The following ST6GALNAC3 variants were observed in gnomAD, a reference collection of about 807,000 sequenced individuals.
The protein encoded by ST6GALNAC3 is ST6 N-acetylgalactosaminide alpha-2,6-sialyltransferase 3.
Under a neutral mutation model 32.7 loss-of-function variants are expected in ST6GALNAC3, and 25 were observed. The observed-to-expected ratio is 0.76, with a 90% CI of 0.56 to 1.07. The LOEUF is 1.07. Among genes scored for constraint, ST6GALNAC3 ranks in the 50% least tolerant of loss-of-function variants. The pLI, the probability that ST6GALNAC3 is intolerant of heterozygous loss-of-function variation, is 0.00. For missense variants in ST6GALNAC3, 355 were observed against 382.4 expected (o/e 0.93, Z 0.60); for synonymous variants, 129 against 133.1 (o/e 0.97, Z 0.21).
chr1:76,493,244 A>G (rs983688654), intron 3 of ST6GALNAC3, among the ~76,000 whole-genome samples: 3 of 152,302 alleles, frequency 2.0e-5, no homozygotes, highest in Admixed American at 1.3e-4. Context: ...AGATGCTGCC[A>G]TATAGAGTTG....
chr1:76,585,964 A>T (rs1646956644), intron 3 of ST6GALNAC3, among the ~76,000 whole-genome samples: 1 of 152,220 alleles, frequency 6.6e-6, no homozygotes, highest in Admixed American at 6.5e-5. Flanking sequence ...TTAGTTTCTA[A>T]TTAGATTTCA....
chr1:76,123,749 A>ATTTTTTTTTTTTT (rs767734132), intron 1 of ST6GALNAC3, among the ~76,000 whole-genome samples: 1 of 94,290 alleles, frequency 1.1e-5, no homozygotes, highest in Non-Finnish European at 1.9e-5. Context: ...ACTCATTTTA[A>ATTTTTTTTTTTTT]TTTTTTTTTT....
chr1:76,420,141 C>G (rs1469091270), intron 3 of ST6GALNAC3, among the ~76,000 whole-genome samples: 1 of 151,984 alleles, frequency 6.6e-6, no homozygotes, highest in East Asian at 1.9e-4. Context: ...TACATCAAGC[C>G]ACCTGCTGAC....
chr1:76,155,339 T>C (rs375574641), intron 1 of ST6GALNAC3, among the ~76,000 whole-genome samples: 74 of 152,326 alleles, frequency 4.9e-4, no homozygotes, highest in South Asian at 2.7e-3. Context: ...AGCCAAATTA[T>C]TATAGAGAAT....
intron 1 of ST6GALNAC3, among the ~76,000 whole-genome samples, chr1:76,134,215 A>G (rs1649793389): frequency 6.6e-6 from 1 of 152,228 alleles, no homozygotes; most frequent in Non-Finnish European, 1.5e-5. Flanking sequence ...CTTCCTCAGC[A>G]TTATACACTG....
chr1:76,356,988 C>T (rs1649511768), intron 2 of ST6GALNAC3, among the ~76,000 whole-genome samples: 1 of 151,978 alleles, frequency 6.6e-6, no homozygotes, highest in African/African-American at 2.4e-5. Flanking sequence ...ATTCCAGGGG[C>T]CACAGTAAGA....
intron 3 of ST6GALNAC3, among the ~76,000 whole-genome samples, chr1:76,430,564 A>G (rs888414543): frequency 1.1e-4 from 17 of 152,160 alleles, no homozygotes; most frequent in African/African-American, 4.1e-4. Context: ...GGCATAGCTC[A>G]AGAGTTGACT....
intron 1 of ST6GALNAC3, among the ~76,000 whole-genome samples, chr1:76,111,967 C>A (rs922731750): frequency 1.3e-5 from 2 of 152,102 alleles, no homozygotes; most frequent in Admixed American, 6.5e-5. Flanking sequence ...ACCTCCCAGA[C>A]GGGGTGGTGG....
At position 76,599,717 on chromosome 1, in the gene ST6GALNAC3, CGTGTGTGTGT is replaced by C. The variant is rs5775354; in HGVS notation, c.624-27698_624-27689del. ...TATTTTATTCCTCCCACTACCGTAT[CGTGTGTGTGT>C]GTGTGTGTGTGTGTGTGTGTGTGTG... On this transcript the variant is annotated intron_variant, in intron 3 of 4. Coordinates refer to ENST00000328299, the MANE Select transcript of ST6GALNAC3 (RefSeq NM_152996.4). Among the ~76,000 whole-genome samples the C allele has an allele frequency of 6.0e-3, 858 of 142,034 alleles. 3 individuals carry two copies. The highest frequency in any genetic ancestry group is 0.015 in the East Asian group (72 of 4,786). The allele number at this position is 142,034 out of a possible 152,430, so 93.2% of individuals were successfully genotyped here.
At chr1:76,407,599 A>G (rs1009093475) in intron 2 of ST6GALNAC3, among the ~76,000 whole-genome samples, 2 of 152,094 alleles carry the variant, frequency 1.3e-5, no homozygotes, top group South Asian at 4.1e-4. Flanking sequence ...AGCCCAGTGA[A>G]AATATTTTGA....
chr1:76,363,729 C>A (rs1581799), intron 2 of ST6GALNAC3, among the ~76,000 whole-genome samples: 5 of 152,058 alleles, frequency 3.3e-5, no homozygotes, highest in Admixed American at 1.3e-4. Flanking sequence ...CTGGCATCTC[C>A]TCTGCTTCTG....
chr1:76,134,455 G>T (rs145182672), intron 1 of ST6GALNAC3, among the ~76,000 whole-genome samples: 1 of 152,354 alleles, frequency 6.6e-6, no homozygotes, highest in East Asian at 1.9e-4. Context: ...TTATCCTCCA[G>T]CTCTAACATT....
At chr1:76,086,390 G>A (rs967670130) in intron 1 of ST6GALNAC3, among the ~76,000 whole-genome samples, 2 of 152,134 alleles carry the variant, frequency 1.3e-5, no homozygotes, top group African/African-American at 4.8e-5. Flanking sequence ...TCATAGCCTT[G>A]TTTTAGACTT....
chr1:76,583,303 A>G (rs558864590), intron 3 of ST6GALNAC3, among the ~76,000 whole-genome samples: 109 of 152,312 alleles, frequency 7.2e-4, no homozygotes, highest in African/African-American at 2.6e-3. Context: ...ATGGCCGACA[A>G]AATGTATGCA....
intron 3 of ST6GALNAC3, among the ~76,000 whole-genome samples, chr1:76,533,325 T>C (rs575786462): frequency 1.7e-5 from 1 of 57,974 alleles, no homozygotes; most frequent in African/African-American, 6.9e-5. Flanking sequence ...CTCCATCTGC[T>C]CCTCATTCCC....
chr1:76,416,951 A>G (rs1654685818), intron 3 of ST6GALNAC3, among the ~76,000 whole-genome samples: 1 of 152,068 alleles, frequency 6.6e-6, no homozygotes, highest in Non-Finnish European at 1.5e-5. Flanking sequence ...TTCTTAAGGA[A>G]TTCCTCACTG....
chr1:76,447,040 G>T (rs553605372), intron 3 of ST6GALNAC3, among the ~76,000 whole-genome samples: 1 of 152,292 alleles, frequency 6.6e-6, no homozygotes, highest in Non-Finnish European at 1.5e-5. Context: ...AGTTTGGAGG[G>T]CTCAGAAGAA....
At chr1:76,365,438 A>T (rs555067959) in intron 2 of ST6GALNAC3, among the ~76,000 whole-genome samples, 1 of 152,348 alleles carries the variant, frequency 6.6e-6, no homozygotes, top group Admixed American at 6.5e-5. Context: ...CAATATATCC[A>T]TGTAACAAAC....
intron 3 of ST6GALNAC3, among the ~76,000 whole-genome samples, chr1:76,529,658 A>G (rs753780899): frequency 6.6e-6 from 1 of 152,192 alleles, no homozygotes; most frequent in Non-Finnish European, 1.5e-5. Flanking sequence ...TACAGACACA[A>G]TTACCAATCT....
Sources: gnomAD v4.1 joint callset for allele counts (sites outside exome capture counted in the v4.1 genomes callset) on GRCh38, gnomAD v4.1.1 for gene constraint, MANE v1.5 for transcripts, NCBI Gene and HGNC (gene_info 2026-07-23, HGNC 2026-07-21) for gene names.